Variants in SAMSN1 observed in about 807,000 individuals in gnomAD.
The protein encoded by SAMSN1 is SAM domain, SH3 domain and nuclear localization signals 1.
SAMSN1 carries 31 observed loss-of-function variants against 42.0 expected under a neutral mutation model. That is an observed-to-expected ratio of 0.74 (90% CI 0.55 to 1.00). SAMSN1 has a LOEUF of 1.00. Among genes scored for constraint, SAMSN1 ranks in the 50% least tolerant of loss-of-function variants. SAMSN1 has a pLI of 0.00. For synonymous variants in SAMSN1, 178 were observed against 151.9 expected, an observed-to-expected ratio of 1.17 and a Z score of -1.26; for missense variants, 464 against 439.4, an observed-to-expected ratio of 1.06 and a Z score of -0.50.
chr21:14,580,412 C>G (rs895101227), intron 2 of SAMSN1, among the ~76,000 whole-genome samples: 14 of 152,158 alleles, frequency 9.2e-5, no homozygotes, highest in African/African-American at 3.4e-4. Flanking sequence ...GCCTATACAA[C>G]AGCTTAGCCA....
chr21:14,643,640 C>T (rs755784802), intron 1 of SAMSN1, among the ~76,000 whole-genome samples: 1 of 152,098 alleles, frequency 6.6e-6, no homozygotes, highest in Non-Finnish European at 1.5e-5. Context: ...CTCCACTGAT[C>T]GTTTCTCCAC....
intron 5 of SAMSN1, among the ~76,000 whole-genome samples, chr21:14,605,878 G>A (rs574765804): frequency 6.6e-6 from 1 of 151,074 alleles, no homozygotes; most frequent in Non-Finnish European, 1.5e-5. Context: ...GTCTCACTCT[G>A]TCGCCCAGGC....
chr21:14,569,989 C>CA (rs1305350528), intron 2 of SAMSN1, among the ~76,000 whole-genome samples: 2 of 151,842 alleles, frequency 1.3e-5, no homozygotes, highest in Admixed American at 6.6e-5. Context: ...CACTTTCCCC[C>CA]CCCCCAGTTT....
chr21:14,622,236 C>A (rs971604027), intron 2 of SAMSN1, among the ~76,000 whole-genome samples: 27 of 152,248 alleles, frequency 1.8e-4, no homozygotes, highest in African/African-American at 6.3e-4. Flanking sequence ...CAAAGGAATG[C>A]AGCTCCTCGC....
chr21:14,566,875 C>T (rs1195240581), intron 2 of SAMSN1, among the ~76,000 whole-genome samples: 1 of 151,918 alleles, frequency 6.6e-6, no homozygotes, highest in Non-Finnish European at 1.5e-5. Flanking sequence ...TAGTGTTATC[C>T]AGTACAAAGA....
intron 2 of SAMSN1, among the ~76,000 whole-genome samples, chr21:14,556,261 T>C (rs1191109946): frequency 2.0e-5 from 3 of 152,172 alleles, no homozygotes; most frequent in African/African-American, 7.2e-5. Context: ...AAGTGTATTG[T>C]CTACTTCTTA....
chr21:14,606,042 G>A lies in SAMSN1; in HGVS notation c.322+3440C>T, dbSNP rs570491095. 2.2e-4 allele frequency among the ~76,000 whole-genome samples: 33 copies of A among 151,912 alleles called. No homozygotes were observed. The East Asian group carries it at 5.6e-3, about 26-fold the overall frequency. ...ATTTTTGTAGAGACGGGGTTTCACT[G>A]TGTTAGCCAGGATGGTCTTGATCTC... On this transcript the variant is annotated intron_variant, in intron 5 of 15. Transcript: ENST00000647101.
chr21:14,600,928 C>T lies in SAMSN1; in HGVS notation c.399+1095G>A, dbSNP rs535598436. On this transcript the variant is annotated intron_variant, in intron 6 of 15. Transcript: ENST00000647101. ...AAGAAAAGAGGAGGAGCAATGACAA[C>T]AAATGAATTTTTGAAAGTATGTCTT... is the stretch of plus-strand genomic sequence containing the variant. Among the ~76,000 whole-genome samples the T allele has an allele frequency of 2.6e-5, 4 of 152,242 alleles. No homozygotes were observed. In the South Asian group the frequency reaches 8.3e-4, roughly 32 times the overall value.
chr21:14,620,590 C>A (rs2123341595), intron 2 of SAMSN1, among the ~76,000 whole-genome samples: 1 of 152,304 alleles, frequency 6.6e-6, no homozygotes, highest in Admixed American at 6.5e-5. Context: ...GGTAGCATTT[C>A]ATGTACCCCT....
chr21:14,554,334 G>A (rs1238349372), intron 2 of SAMSN1, among the ~76,000 whole-genome samples: 1 of 152,062 alleles, frequency 6.6e-6, no homozygotes, highest in African/African-American at 2.4e-5. Context: ...ATGCTTGAAA[G>A]ATATTGCTAT....
chr21:14,604,586 A>G (rs1982517787), intron 5 of SAMSN1, among the ~76,000 whole-genome samples: 1 of 151,982 alleles, frequency 6.6e-6, no homozygotes, highest in Non-Finnish European at 1.5e-5. Context: ...AAAACAAGAA[A>G]CCTTGCAGCT....
chr21:14,649,227 T>G (rs1160853465), intron 1 of SAMSN1, among the ~76,000 whole-genome samples: 2 of 132,564 alleles, frequency 1.5e-5, no homozygotes, highest in African/African-American at 5.7e-5. Flanking sequence ...CACAATGAGA[T>G]CACATGGACA....
At chr21:14,566,547 T>C (rs917235243) in intron 2 of SAMSN1, among the ~76,000 whole-genome samples, 2 of 151,604 alleles carry the variant, frequency 1.3e-5, no homozygotes, top group African/African-American at 2.4e-5. Flanking sequence ...TATATAAAAT[T>C]TTTTTTTTGA....
intron 2 of SAMSN1, among the ~76,000 whole-genome samples, chr21:14,570,272 T>C (rs534335612): frequency 1.3e-5 from 2 of 152,302 alleles, no homozygotes; most frequent in Non-Finnish European, 2.9e-5. Flanking sequence ...TTAATATTCA[T>C]TAGAGATTTT....
chr21:14,580,405 T>C (rs1412917246), intron 2 of SAMSN1, among the ~76,000 whole-genome samples: 1 of 152,236 alleles, frequency 6.6e-6, no homozygotes, highest in East Asian at 1.9e-4. Flanking sequence ...TTCAGATGCC[T>C]ATACAACAGC....
chr21:14,651,242 CAGGCCA>C (rs1983830933), intron 1 of SAMSN1, among the ~76,000 whole-genome samples: 1 of 151,434 alleles, frequency 6.6e-6, no homozygotes, highest in Admixed American at 6.6e-5. Context: ...AAGAAGACTA[CAGGCCA>C]ATATTTCTGA....
chr21:14,593,794 C>A (rs927966612), intron 7 of SAMSN1: 11 of 352,532 alleles, frequency 3.1e-5, no homozygotes, highest in Non-Finnish European at 4.6e-5. Context: ...TATATAACAA[C>A]CTTTCCTTCT....
chr21:14,589,980 A>G (rs1022885016), intron 7 of SAMSN1, among the ~76,000 whole-genome samples: 1 of 152,176 alleles, frequency 6.6e-6, no homozygotes, highest in African/African-American at 2.4e-5. Flanking sequence ...GAAAACTGTA[A>G]TGGAAACCGA....
At chr21:14,588,871 A>C (rs62227222) in intron 7 of SAMSN1, among the ~76,000 whole-genome samples, 1 of 79,114 alleles carries the variant, frequency 1.3e-5, no homozygotes, top group African/African-American at 8.0e-5. Context: ...TTTTCTTTTC[A>C]CTTTTGTCTT....
Sources: gnomAD v4.1 joint callset for allele counts (sites outside exome capture counted in the v4.1 genomes callset) on GRCh38, gnomAD v4.1.1 for gene constraint, MANE v1.5 for transcripts, NCBI Gene and HGNC (gene_info 2026-07-23, HGNC 2026-07-21) for gene names.